Variants in SDK1 observed in about 807,000 individuals in gnomAD.
SDK1 encodes the protein protein sidekick-1.
A neutral mutation model predicts 245.5 loss-of-function variants in SDK1; 157 were observed. That is an observed-to-expected ratio of 0.64 (90% CI 0.56 to 0.73). The LOEUF is 0.73. Among genes scored for constraint, SDK1 ranks in the 30% least tolerant of loss-of-function variants. The probability of loss-of-function intolerance (pLI) is 0.00; values close to 1 mark genes in which losing one functional copy is unlikely to be tolerated. For missense variants in SDK1, 3,583 were observed against 3,002.3 expected (o/e 1.19, Z -4.52); for synonymous variants, 1,647 against 1,278.5 (o/e 1.29, Z -6.15).
At chr7:3,425,545 T>G (rs1779652666) in intron 1 of SDK1, among the ~76,000 whole-genome samples, 8 of 152,198 alleles carry the variant, frequency 5.3e-5, no homozygotes, top group Admixed American at 5.2e-4. Context: ...CTCACAGACC[T>G]CGATAAATAA....
chr7:3,997,835 G>A (rs192051831), intron 14 of SDK1, among the ~76,000 whole-genome samples: 1 of 152,292 alleles, frequency 6.6e-6, no homozygotes, highest in Non-Finnish European at 1.5e-5. Flanking sequence ...CTGCCCAGGA[G>A]TCTGTCTGCC....
rs186867192 is a variant in SDK1 at position 3,390,329 on chromosome 7, G to T, written c.298+88445G>T. ...AAATATATCTCTATAAAAGAGTTTA[G>T]CTTTGCTCATCAGCCTTTTAAATGT... On this transcript the variant is annotated intron_variant, in intron 1 of 44. Transcript: ENST00000404826. Among the ~76,000 whole-genome samples the T allele has an allele frequency of 7.2e-5, 11 of 152,216 alleles. No individual in the cohort carries two copies. In the East Asian group the frequency reaches 2.1e-3, roughly 29 times the overall value.
At chr7:4,143,377 A>G (rs1779712672) in intron 28 of SDK1, among the ~76,000 whole-genome samples, 1 of 152,114 alleles carries the variant, frequency 6.6e-6, no homozygotes, top group Non-Finnish European at 1.5e-5. Context: ...CAATTGTTTT[A>G]TAATAATATT....
intron 4 of SDK1, among the ~76,000 whole-genome samples, chr7:3,707,895 A>G (rs1784936296): frequency 1.3e-5 from 2 of 151,958 alleles, no homozygotes; most frequent in African/African-American, 2.4e-5. Flanking sequence ...TTTGATTTCT[A>G]TTTGCATGGA....
chr7:3,936,198 C>A (rs796194580), intron 5 of SDK1, among the ~76,000 whole-genome samples: 21 of 152,068 alleles, frequency 1.4e-4, no homozygotes, highest in African/African-American at 4.3e-4. Flanking sequence ...TTCACAGAGA[C>A]AGAAAGTAGG....
At chr7:3,486,401 T>C (rs1251213082) in intron 1 of SDK1, among the ~76,000 whole-genome samples, 2 of 152,196 alleles carry the variant, frequency 1.3e-5, no homozygotes, top group East Asian at 3.9e-4. Flanking sequence ...TGTTTGGTTT[T>C]CTAATTCATT....
chr7:3,888,894 A>G (rs1237460191), intron 5 of SDK1, among the ~76,000 whole-genome samples: 8 of 152,228 alleles, frequency 5.3e-5, no homozygotes, highest in African/African-American at 1.7e-4. Flanking sequence ...CTAGAAGTTA[A>G]TCTATGTGTC....
intron 1 of SDK1, among the ~76,000 whole-genome samples, chr7:3,569,054 C>G (rs1017929319): frequency 6.7e-6 from 1 of 148,472 alleles, no homozygotes; most frequent in African/African-American, 2.5e-5. Flanking sequence ...GTTCTTGGGC[C>G]TTAATTTTCT....
intron 4 of SDK1, among the ~76,000 whole-genome samples, chr7:3,718,712 C>T (rs1352591326): frequency 3.3e-5 from 5 of 152,004 alleles, no homozygotes; most frequent in African/African-American, 1.2e-4. Context: ...AAGGTGAATG[C>T]TTTTTCCCCA....
At chr7:3,722,261 G>A (rs1395398383) in intron 4 of SDK1, among the ~76,000 whole-genome samples, 1 of 152,134 alleles carries the variant, frequency 6.6e-6, no homozygotes, top group Non-Finnish European at 1.5e-5. Context: ...GGGAGACTCG[G>A]AGACCACGTC....
intron 19 of SDK1, among the ~76,000 whole-genome samples, chr7:4,054,629 A>G (rs1779091029): frequency 6.6e-6 from 1 of 152,134 alleles, no homozygotes; most frequent in Admixed American, 6.5e-5. Context: ...CTTTTCTTGC[A>G]TGATTTGCAG....
Position 3,858,861 on chromosome 7 carries a change from TTTTTC to T in SDK1, c.847+37283_847+37287del, listed in dbSNP as rs1167536395. ...GTTGTCTAAAACCTTGTATTTTTCT[TTTTTC>T]TTTTTTTTTTTTTTGAGATAGAGTC... is the stretch of plus-strand genomic sequence containing the variant. On this transcript the variant is annotated intron_variant, in intron 5 of 44. Coordinates refer to ENST00000404826, the MANE Select transcript of SDK1 (RefSeq NM_152744.4). Among the ~76,000 whole-genome samples, 770 of 123,894 alleles carry T rather than the reference TTTTTC, an allele frequency of 6.2e-3. 9 individuals are homozygous for T. Among genetic ancestry groups the T allele is most frequent in the African/African-American group, 0.033 (740 of 22,342 alleles). The allele number at this position is 123,894 out of a possible 152,430, so 81.3% of individuals were successfully genotyped here. A position where few individuals can be genotyped will look rare whatever the true frequency, so the allele number is the denominator to read the frequency against.
At chr7:3,979,273 G>A (rs143292774) in intron 13 of SDK1, among the ~76,000 whole-genome samples, 18 of 152,318 alleles carry the variant, frequency 1.2e-4, no homozygotes, top group East Asian at 1.9e-4. Context: ...GCCAGTTGGG[G>A]AGGGATGCTC....
intron 1 of SDK1, among the ~76,000 whole-genome samples, chr7:3,563,021 G>C (rs957351793): frequency 1.3e-5 from 2 of 152,120 alleles, no homozygotes; most frequent in African/African-American, 4.8e-5. Flanking sequence ...GTAACCCAGA[G>C]CTAAACTTCT....
At chr7:3,317,180 CAAAAAAAA>C (rs57138474) in intron 1 of SDK1, among the ~76,000 whole-genome samples, 114 of 32,688 alleles carry the variant, frequency 3.5e-3, no homozygotes, top group Non-Finnish European at 5.6e-3. Context: ...GACTCTGTCT[CAAAAAAAA>C]AAAAAAAAAA....
chr7:3,309,796 CA>C (rs1011166191), intron 1 of SDK1, among the ~76,000 whole-genome samples: 7 of 152,162 alleles, frequency 4.6e-5, no homozygotes, highest in African/African-American at 1.7e-4. Flanking sequence ...ATTTGCCGGC[CA>C]AAGGTATTTT....
At chr7:3,943,042 G>A (rs777101450) in intron 5 of SDK1, among the ~76,000 whole-genome samples, 8 of 152,202 alleles carry the variant, frequency 5.3e-5, no homozygotes, top group Non-Finnish European at 1.0e-4. Flanking sequence ...TGGCTGCTGC[G>A]AAAGTTTCAA....
intron 1 of SDK1, among the ~76,000 whole-genome samples, chr7:3,427,408 A>G (rs1489047080): frequency 6.6e-6 from 1 of 151,884 alleles, no homozygotes; most frequent in Non-Finnish European, 1.5e-5. Context: ...AAATCCAGCT[A>G]CTTGGGAGGC....
At chr7:4,177,308 C>T (rs139221339) in intron 34 of SDK1, among the ~76,000 whole-genome samples, 77 of 152,308 alleles carry the variant, frequency 5.1e-4, no homozygotes, top group Admixed American at 8.5e-4. Context: ...CATGGGACCT[C>T]GGAAAAGCCA....
Sources: allele counts gnomAD v4.1 joint callset (sites outside exome capture counted in the v4.1 genomes callset), GRCh38; gene constraint gnomAD v4.1.1; transcripts MANE v1.5; gene names NCBI Gene and HGNC (gene_info 2026-07-23, HGNC 2026-07-21).